The following ERGIC3 variants were observed in gnomAD, a reference collection of about 807,000 sequenced individuals.
ERGIC3 encodes endoplasmic reticulum-Golgi intermediate compartment protein 3.
A neutral mutation model predicts 54.7 loss-of-function variants in ERGIC3; 33 were observed. The ratio of observed to expected loss-of-function variants is 0.60; its 90% CI spans 0.46 to 0.81. ERGIC3 has a LOEUF of 0.81. Among genes scored for constraint, ERGIC3 ranks in the 30% least tolerant of loss-of-function variants. The pLI, the probability that ERGIC3 is intolerant of heterozygous loss-of-function variation, is 0.00. For missense variants in ERGIC3, 399 were observed against 488.4 expected (o/e 0.82, Z 1.73); for synonymous variants, 186 against 189.8 (o/e 0.98, Z 0.16).
At chr20:35,544,159 A>AT (rs1444399359) in intron 4 of ERGIC3, 3 of 188,450 alleles carry the variant, frequency 1.6e-5, no homozygotes, top group African/African-American at 2.4e-5. Context: ...GGTTCAAGTG[A>AT]TTCTCCTGCC....
rs2064622620 is a variant in ERGIC3 at position 35,542,750 on chromosome 20, C to G, written c.248-72C>G. 2.5e-6 allele frequency: 4 copies of G among 1,612,456 alleles called. No homozygotes were observed. In the South Asian group the frequency reaches 4.4e-5, roughly 18 times the overall value. On this transcript the variant is annotated intron_variant, in intron 3 of 12. Transcript: ENST00000348547. ...CTGCCCCAAGACAGGCCCAGTATCC[C>G]CTTCCCCTCCAAAACCCACATCCCC...
chr20:35,549,271 A>G lies in ERGIC3; in HGVS notation c.685+406A>G, dbSNP rs551323861. On this transcript the variant is annotated intron_variant, in intron 7 of 12. Coordinates refer to ENST00000348547, the MANE Select transcript of ERGIC3 (RefSeq NM_015966.3). ...GATGACCTGTGCATGAGGCTTTGGG[A>G]GAAGCAGAGCTAGGTTGGAGCACAG... 1.8e-4 allele frequency: 84 copies of G among 471,142 alleles called. 1 individual carries two copies. The highest frequency in any genetic ancestry group is 1.4e-3 in the African/African-American group (70 of 50,158). The allele number at this position is 471,142 out of a possible 1,614,324, so 29.2% of individuals were successfully genotyped here.
In ERGIC3 at chr20:35,557,463, C is replaced by G; in HGVS notation, c.1111C>G (p.Arg371Gly). Reference sequence around the variant, plus strand: ...CGATTCGCTCATCTACCACTCAGCACGAGCCATCCAGAAGAAAATTGATCT... The same window carrying G: ...CGATTCGCTCATCTACCACTCAGCAGGAGCCATCCAGAAGAAAATTGATCT... The part of the protein sequence containing the change: ...LIDSLIYHSA[R>G]AIQKKIDLGK... The change falls in exon 13 of 13, where the codon CGA (arginine) becomes GGA (glycine). Residue 371 changes from arginine to glycine, a missense_variant. Transcript: ENST00000348547. 1.2e-6 allele frequency: 2 copies of G among 1,614,128 alleles called. No homozygotes were observed. The highest frequency in any genetic ancestry group is 8.5e-7 in the Non-Finnish European group (1 of 1,180,024).
chr20:35,557,330 G>A (rs994811695), intron 12 of ERGIC3, 81 bp downstream of exon 12: 4 of 1,609,772 alleles, frequency 2.5e-6, no homozygotes, highest in African/African-American at 2.7e-5. Flanking sequence ...GGGGTGAAGG[G>A]GCAGATGCTG....
At chr20:35,544,247 G>A in intron 4 of ERGIC3, 1 of 181,548 alleles carries the variant, frequency 5.5e-6, no homozygotes, top group Non-Finnish European at 1.1e-5. Flanking sequence ...GTAGAGACGG[G>A]GTTGCACCTT....
Position 35,557,115 on chromosome 20 carries a change from G to T in ERGIC3, c.1016+6G>T. 1 of 1,614,234 alleles carries T rather than the reference G, an allele frequency of 6.2e-7. No individual in the cohort carries two copies. Among genetic ancestry groups the T allele is most frequent in the South Asian group, 1.1e-5 (1 of 91,088 alleles). Reference sequence around the variant, plus strand: ...AAGCTGACGGAGAAGCACAGGTGAGGATGGGGGCAAAGCGGCCTCTGGGGG... The same window carrying T: ...AAGCTGACGGAGAAGCACAGGTGAGTATGGGGGCAAAGCGGCCTCTGGGGG... On this transcript the variant is annotated splice_donor_region_variant and intron_variant, in intron 11 of 12. Transcript: ENST00000348547.
rs114876327 is a variant in ERGIC3 at position 35,542,705 on chromosome 20, C to T, written c.247+105C>T. ...GTTCTGGACTGGACCCCAGGACAAC[C>T]TCCTTCTCCTCATCCCGTTCTGCCC... On this transcript the variant is annotated intron_variant, in intron 3 of 12. Transcript: ENST00000348547. 1.6e-3 allele frequency: 2,513 copies of T among 1,598,630 alleles called. 38 individuals carry two copies. The African/African-American group carries it at 0.03, about 19-fold the overall frequency.
At chr20:35,550,704 A>G (rs1173061790) in intron 7 of ERGIC3, among the ~76,000 whole-genome samples, 3 of 152,178 alleles carry the variant, frequency 2.0e-5, no homozygotes, top group Admixed American at 2.0e-4. Context: ...GTTACTCTGC[A>G]TGAGATGAGA....
chr20:35,542,217 G>A (rs1444366794), intron 1 of ERGIC3, 32 bp downstream of exon 1: 1 of 1,589,832 alleles, frequency 6.3e-7, no homozygotes, highest in Admixed American at 1.7e-5. Flanking sequence ...GTCGCGTGGA[G>A]GGGGGCGTCC....
Position 35,542,504 on chromosome 20 carries a change from C to G in ERGIC3, c.160-9C>G, listed in dbSNP as rs200597943. 1 of 1,613,948 alleles carries G rather than the reference C, an allele frequency of 6.2e-7. No homozygotes were observed. Among genetic ancestry groups the G allele is most frequent in the African/African-American group, 1.3e-5 (1 of 75,010 alleles). ...GGGGCTAAGTCTTACTGAGGTAGCGCTGCCCCAGGTGCATCCTGAGCTCTA... is the reference window on the plus strand; with the variant it reads ...GGGGCTAAGTCTTACTGAGGTAGCGGTGCCCCAGGTGCATCCTGAGCTCTA... On this transcript the variant is annotated splice_polypyrimidine_tract_variant and intron_variant, in intron 2 of 12. Coordinates refer to ENST00000348547, the MANE Select transcript of ERGIC3 (RefSeq NM_015966.3).
chr20:35,549,057 T>A (rs1288527754), intron 7 of ERGIC3, 192 bp downstream of exon 7: 2 of 700,784 alleles, frequency 2.9e-6, no homozygotes, highest in Non-Finnish European at 5.3e-6. Context: ...TGCATTCAGA[T>A]ACCAGTTTCA....
chr20:35,548,844 T>C lies in ERGIC3; in HGVS notation c.664T>C (p.Phe222Leu). ...GNFHFAPGKS[F>L]QQSHVHVHDL... ...CTTCCACTTTGCCCCTGGGAAGAGCTTCCAGCAGTCCCATGTGCACGGTGA... is the reference window on the plus strand; with the variant it reads ...CTTCCACTTTGCCCCTGGGAAGAGCCTCCAGCAGTCCCATGTGCACGGTGA... Residue 222 changes from phenylalanine (F) to leucine (L), a missense_variant, in exon 7 of 13, where the codon TTC (phenylalanine) becomes CTC (leucine). Transcript: ENST00000348547. 6.2e-7 allele frequency: 1 copy of C among 1,614,212 alleles called. No individual in the cohort carries two copies. Among genetic ancestry groups the C allele is most frequent in the Non-Finnish European group, 8.5e-7 (1 of 1,180,026 alleles).
intron 5 of ERGIC3, among the ~76,000 whole-genome samples, chr20:35,548,225 G>A (rs1359703662): frequency 2.0e-5 from 3 of 152,068 alleles, no homozygotes; most frequent in African/African-American, 4.8e-5. Context: ...CCTGTAATCC[G>A]TAGCACTTTG....
At chr20:35,549,231 C>T (rs1344566162) in intron 7 of ERGIC3, 5 of 473,960 alleles carry the variant, frequency 1.1e-5, no homozygotes, top group Admixed American at 4.7e-5. Context: ...GAAATGGTAG[C>T]CCCCCGTGTC....
At chr20:35,552,460 G>C (rs2064686792) in intron 7 of ERGIC3, among the ~76,000 whole-genome samples, 1 of 152,192 alleles carries the variant, frequency 6.6e-6, no homozygotes, top group Non-Finnish European at 1.5e-5. Context: ...ACAGAACATT[G>C]CAATTGCATG....
In ERGIC3 at chr20:35,548,595, G is replaced by A. The variant is rs757775545; in HGVS notation, c.548G>A (p.Arg183Gln). Residue 183 changes from arginine to glutamine, a missense_variant, in exon 6 of 13, where the codon CGG becomes CAG. Coordinates refer to ENST00000348547, the MANE Select transcript of ERGIC3 (RefSeq NM_015966.3). Reference sequence around the variant, plus strand: ...AACCCAGATACTATTGAGCAGTGCCGGCGAGAGGGCTTCAGCCAGAAGATG... The same window carrying A: ...AACCCAGATACTATTGAGCAGTGCCAGCGAGAGGGCTTCAGCCAGAAGATG... ...FKNPDTIEQC[R>Q]REGFSQKMQE... 25 of 1,614,082 alleles carry A rather than the reference G, an allele frequency of 1.5e-5. No homozygotes were observed. Among genetic ancestry groups the A allele is most frequent in the South Asian group, 1.3e-4 (12 of 91,090 alleles).
intron 5 of ERGIC3, 63 bp from the exon 6 acceptor site, chr20:35,548,446 C>T: frequency 6.4e-7 from 1 of 1,565,784 alleles, no homozygotes; most frequent in South Asian, 1.2e-5. Context: ...GCTCTATTTC[C>T]CCAGATGCCA....
Position 35,557,627 on chromosome 20 carries a change from T to C in ERGIC3, c.*123T>C, listed in dbSNP as rs1178002908. ...GGTTGATAAATCTATTGATTGATTG[T>C]GATAGTACTCACTGGTCTCCGTGTG... is the stretch of plus-strand genomic sequence containing the variant. On this transcript the variant is annotated 3_prime_UTR_variant, in exon 13 of 13. Transcript: ENST00000348547. 12 of 801,222 alleles carry C rather than the reference T, an allele frequency of 1.5e-5. No homozygotes were observed. The highest frequency in any genetic ancestry group is 4.1e-5 in the Admixed American group (2 of 48,712). The allele number at this position is 801,222 out of a possible 1,614,324, so 49.6% of individuals were successfully genotyped here. A position where few individuals can be genotyped will look rare whatever the true frequency, so the allele number is the denominator to read the frequency against.
At chr20:35,542,423 G>T in intron 2 of ERGIC3, 30 bp downstream of exon 2, 1 of 1,613,938 alleles carries the variant, frequency 6.2e-7, no homozygotes, top group Non-Finnish European at 8.5e-7. Context: ...GCGTGGGCGG[G>T]GCTTGGCATT....
Sources: allele counts gnomAD v4.1 joint callset (sites outside exome capture counted in the v4.1 genomes callset), GRCh38; gene constraint gnomAD v4.1.1; transcripts MANE v1.5; gene names NCBI Gene and HGNC (gene_info 2026-07-23, HGNC 2026-07-21).